The following PRORP variants were observed in gnomAD, a reference collection of about 807,000 sequenced individuals.
PRORP encodes the protein mitochondrial ribonuclease P catalytic subunit.
A neutral mutation model predicts 59.4 loss-of-function variants in PRORP; 51 were observed. The observed-to-expected ratio is 0.86, with a 90% CI of 0.69 to 1.08. The LOEUF (loss-of-function observed/expected upper bound fraction) is 1.08. Ranked by LOEUF, PRORP falls within the 50% of genes least tolerant of loss-of-function variation. The probability of loss-of-function intolerance (pLI) is 0.00; values close to 1 mark genes in which losing one functional copy is unlikely to be tolerated. For synonymous variants in PRORP, 231 were observed against 245.6 expected, an observed-to-expected ratio of 0.94 and a Z score of 0.55; for missense variants, 646 against 690.3, an observed-to-expected ratio of 0.94 and a Z score of 0.72.
At chr14:35,173,002 G>A (rs1342096299) in intron 4 of PRORP, among the ~76,000 whole-genome samples, 1 of 151,804 alleles carries the variant, frequency 6.6e-6, no homozygotes, top group East Asian at 1.9e-4. Context: ...TGAGTAGCTG[G>A]GATTATAGGC....
intron 5 of PRORP, among the ~76,000 whole-genome samples, chr14:35,251,032 C>T (rs577730599): frequency 2.0e-5 from 3 of 152,262 alleles, no homozygotes; most frequent in Admixed American, 6.5e-5. Flanking sequence ...CCACTCTTTT[C>T]CCCTGAATCC....
intron 4 of PRORP, among the ~76,000 whole-genome samples, chr14:35,174,750 C>CT (rs113505782): frequency 0.057 from 7,579 of 132,248 alleles, 374 homozygotes; most frequent in Admixed American, 0.18. Flanking sequence ...TTTTTTTTTT[C>CT]TTTTTTTTTT....
Position 35,226,801 on chromosome 14 carries a change from C to A in PRORP, c.1276-39926C>A, listed in dbSNP as rs539826620. The stretch of plus-strand genomic sequence containing the variant: ...CCAGGCTGGAGTGCAGTGGTGCAAT[C>A]ATGGCTCACTGCAGCCTCAAACTCC... On this transcript the variant is annotated intron_variant, in intron 5 of 7. Transcript: ENST00000534898. Among the ~76,000 whole-genome samples, 6 of 152,244 alleles carry A rather than the reference C, an allele frequency of 3.9e-5. No individual in the cohort carries two copies. The South Asian group carries it at 1.2e-3, about 32-fold the overall frequency.
chr14:35,187,448 T>C (rs955163337), intron 5 of PRORP, among the ~76,000 whole-genome samples: 1 of 141,354 alleles, frequency 7.1e-6, no homozygotes, highest in Non-Finnish European at 1.6e-5. Flanking sequence ...TTTTTTTAGA[T>C]GGAGTCTCAC....
intron 5 of PRORP, among the ~76,000 whole-genome samples, chr14:35,255,635 T>A (rs1413755142): frequency 2.0e-5 from 3 of 152,128 alleles, no homozygotes; most frequent in Admixed American, 6.5e-5. Context: ...TACCTCAGCA[T>A]CCCAGGTAGC....
chr14:35,125,481 C>T (rs1191029217), intron 2 of PRORP, among the ~76,000 whole-genome samples: 7 of 152,086 alleles, frequency 4.6e-5, no homozygotes, highest in Admixed American at 4.6e-4. Context: ...GACTCAAACT[C>T]TTGGCCTCAA....
In PRORP at chr14:35,228,124, T is replaced by C. The variant is rs142319279; in HGVS notation, c.1276-38603T>C. 2.4e-3 allele frequency among the ~76,000 whole-genome samples: 372 copies of C among 152,240 alleles called. 4 individuals carry two copies. The highest frequency in any genetic ancestry group is 8.7e-3 in the African/African-American group (360 of 41,548). ...CGCCACTGCACTCCAGCCTGGGCGA[T>C]AGAGCAAGACTCCGTCTCAAAATAA... On this transcript the variant is annotated intron_variant, in intron 5 of 7. Coordinates refer to ENST00000534898, the MANE Select transcript of PRORP (RefSeq NM_014672.4).
chr14:35,182,183 T>C (rs1322567842), intron 5 of PRORP, among the ~76,000 whole-genome samples: 1 of 151,966 alleles, frequency 6.6e-6, no homozygotes, highest in Admixed American at 6.6e-5. Context: ...GGAGAATCAC[T>C]TGAACCCGGA....
intron 4 of PRORP, among the ~76,000 whole-genome samples, chr14:35,170,235 G>C (rs979448429): frequency 2.6e-4 from 40 of 152,092 alleles, no homozygotes; most frequent in African/African-American, 9.6e-4. Flanking sequence ...TATAAGGTTG[G>C]ATTTAAGCAT....
chr14:35,195,943 T>A (rs1459187062), intron 5 of PRORP, among the ~76,000 whole-genome samples: 1 of 151,980 alleles, frequency 6.6e-6, no homozygotes, highest in Admixed American at 6.6e-5. Flanking sequence ...TGTTAAGGAG[T>A]CCAAGGAGAA....
intron 5 of PRORP, among the ~76,000 whole-genome samples, chr14:35,182,573 A>G (rs2048641568): frequency 6.6e-6 from 1 of 152,154 alleles, no homozygotes. Context: ...TGAACCCGGG[A>G]GGTGGAGGTT....
At chr14:35,154,274 A>C (rs938667639) in intron 4 of PRORP, among the ~76,000 whole-genome samples, 1 of 152,234 alleles carries the variant, frequency 6.6e-6, no homozygotes, top group Non-Finnish European at 1.5e-5. Context: ...GCACAGTGTC[A>C]GTTTGGGAGG....
Position 35,277,147 on chromosome 14 carries a change from T to A in PRORP, c.*3581T>A, listed in dbSNP as rs1448713614. 1.3e-5 allele frequency: 2 copies of A among 152,192 alleles called. No homozygotes were observed. The highest frequency in any genetic ancestry group is 4.8e-5 in the African/African-American group (2 of 41,428). The allele number at this position is 152,192 out of a possible 1,614,324, so 9.4% of individuals were successfully genotyped here. On this transcript the variant is annotated 3_prime_UTR_variant, in exon 8 of 8. Transcript: ENST00000534898. ...TTCAAGCAATTCTCATGCCTCTGCCTCTCGGGCAGCTGGAATTACAGGCAT... is the reference window on the plus strand; with the variant it reads ...TTCAAGCAATTCTCATGCCTCTGCCACTCGGGCAGCTGGAATTACAGGCAT...
At chr14:35,160,411 G>C (rs2138945543) in intron 4 of PRORP, among the ~76,000 whole-genome samples, 1 of 152,268 alleles carries the variant, frequency 6.6e-6, no homozygotes, top group South Asian at 2.1e-4. Context: ...CAGATTTACT[G>C]TTGAATTTAT....
rs554179693 is a variant in PRORP at position 35,160,862 on chromosome 14, A to G, written c.1168-19808A>G. Among the ~76,000 whole-genome samples, 5 of 152,354 alleles carry G rather than the reference A, an allele frequency of 3.3e-5. No individual in the cohort carries two copies. The South Asian group carries it at 1.0e-3, about 32-fold the overall frequency. On this transcript the variant is annotated intron_variant, in intron 4 of 7. Coordinates refer to ENST00000534898, the MANE Select transcript of PRORP (RefSeq NM_014672.4). ...TACAGGCAATCCTCAGCCAAAAAAC[A>G]TGATTTATGAACCATGCATACATGC...
chr14:35,136,595 G>A (rs1016670424), intron 4 of PRORP, among the ~76,000 whole-genome samples: 2 of 144,892 alleles, frequency 1.4e-5, no homozygotes, highest in Non-Finnish European at 3.1e-5. Flanking sequence ...GGCTGGTCTC[G>A]AACTCCCAGC....
chr14:35,159,344 A>G (rs1000871592), intron 4 of PRORP, among the ~76,000 whole-genome samples: 4 of 151,482 alleles, frequency 2.6e-5, no homozygotes, highest in African/African-American at 7.3e-5. Flanking sequence ...ATATACTTCT[A>G]CCTCCAAATC....
chr14:35,268,707 T>C (rs2051110212), intron 6 of PRORP, among the ~76,000 whole-genome samples: 1 of 152,186 alleles, frequency 6.6e-6, no homozygotes, highest in Non-Finnish European at 1.5e-5. Flanking sequence ...GCGATTCTCC[T>C]GCCTCAGCCT....
intron 4 of PRORP, among the ~76,000 whole-genome samples, chr14:35,173,170 G>T (rs2048363758): frequency 6.6e-6 from 1 of 152,112 alleles, no homozygotes; most frequent in African/African-American, 2.4e-5. Context: ...GCCCAGCCCA[G>T]ATTAGTTTAT....
Sources: allele counts gnomAD v4.1 joint callset (sites outside exome capture counted in the v4.1 genomes callset), GRCh38; gene constraint gnomAD v4.1.1; transcripts MANE v1.5; gene names NCBI Gene and HGNC (gene_info 2026-07-23, HGNC 2026-07-21).